Variants in COL4A5 observed in about 807,000 individuals in gnomAD.
The protein encoded by COL4A5 is collagen type IV alpha 5 chain, also known as collagen alpha-5(IV) chain.
In COL4A5, 26 loss-of-function variants were observed where a neutral mutation model predicts 130.2. That is an observed-to-expected ratio of 0.20 (90% CI 0.15 to 0.28). The LOEUF (loss-of-function observed/expected upper bound fraction) is 0.28, where lower values mean the gene tolerates loss of function less well. Ranked by LOEUF, COL4A5 falls within the 10% of genes least tolerant of loss-of-function variation. The probability of loss-of-function intolerance (pLI) is 1.00; values close to 1 mark genes in which losing one functional copy is unlikely to be tolerated. For synonymous variants in COL4A5, 496 were observed against 439.6 expected (o/e 1.13, Z -1.60); for missense variants, 1,131 against 1,344.3 (o/e 0.84, Z 2.48).
chrX:108,571,326 G>A, intron 6 of COL4A5, 87 bp from the exon 7 acceptor site: 1 of 744,999 alleles, frequency 1.3e-6, no homozygotes, highest in Non-Finnish European at 2.1e-6. Context: ...GGCTTTTATA[G>A]AAATCTTTTC....
intron 42 of COL4A5, among the ~76,000 whole-genome samples, chrX:108,672,569 T>A (rs759592525): frequency 4.5e-5 from 5 of 111,940 alleles, no homozygotes; most frequent in Admixed American, 9.5e-5. Context: ...TTTTAGGTTT[T>A]TGTTTTGTTT....
chrX:108,607,631 A>G (rs1198603343), intron 29 of COL4A5, among the ~76,000 whole-genome samples: 1 of 107,848 alleles, frequency 9.3e-6, no homozygotes, highest in Non-Finnish European at 1.9e-5. Flanking sequence ...TTACAGATGC[A>G]TGCCACCAGG....
intron 36 of COL4A5, among the ~76,000 whole-genome samples, chrX:108,652,415 T>A (rs16985530): frequency 0.1 from 11,752 of 112,287 alleles, 1,307 homozygotes; most frequent in African/African-American, 0.34. Flanking sequence ...CAACTGATGG[T>A]CTACTCTTGT....
chrX:108,665,725 T>C, intron 38 of COL4A5, 138 bp downstream of exon 38: 1 of 494,142 alleles, frequency 2.0e-6, no homozygotes, highest in Non-Finnish European at 3.6e-6. Context: ...ACACTGCATG[T>C]GAGGTACAGA....
chrX:108,452,257 A>C (rs1283902654), intron 1 of COL4A5, among the ~76,000 whole-genome samples: 1 of 111,761 alleles, frequency 8.9e-6, no homozygotes, highest in Non-Finnish European at 1.9e-5. Flanking sequence ...GTCAGGTAGC[A>C]TGATGCCTCC....
intron 1 of COL4A5, 27 bp from the exon 2 acceptor site, chrX:108,539,719 T>C (rs1297374393): frequency 2.5e-6 from 3 of 1,184,137 alleles, no homozygotes; most frequent in Admixed American, 2.2e-5. Context: ...TATTTAATGA[T>C]TTTTTCCCTC....
chrX:108,568,340 A>G (rs1929675227), intron 4 of COL4A5, among the ~76,000 whole-genome samples: 1 of 111,638 alleles, frequency 9.0e-6, no homozygotes, highest in South Asian at 3.8e-4. Flanking sequence ...GGAGATCCTT[A>G]TCCATTAGAA....
chrX:108,596,959 T>TTG (rs747434772), intron 22 of COL4A5, 39 bp from the exon 23 acceptor site: 38 of 1,098,719 alleles, frequency 3.5e-5, no homozygotes, highest in East Asian at 3.0e-4. Flanking sequence ...GCTTACGTTA[T>TTG]TGTGTGTGTG....
chrX:108,501,782 T>C (rs1355404810), intron 1 of COL4A5, among the ~76,000 whole-genome samples: 1 of 112,068 alleles, frequency 8.9e-6, no homozygotes, highest in Non-Finnish European at 1.9e-5. Context: ...CTTTTTGTAA[T>C]GTGGGAATTT....
At chrX:108,522,964 G>T (rs1218700630) in intron 1 of COL4A5, among the ~76,000 whole-genome samples, 1 of 104,841 alleles carries the variant, frequency 9.5e-6, no homozygotes, top group African/African-American at 3.5e-5. Context: ...TGCAACCTCC[G>T]CCTCCCGGGT....
At chrX:108,457,558 G>A (rs1171672102) in intron 1 of COL4A5, among the ~76,000 whole-genome samples, 1 of 111,442 alleles carries the variant, frequency 9.0e-6, no homozygotes, top group Non-Finnish European at 1.9e-5. Flanking sequence ...GTATTGGTAT[G>A]TTCTTGTCAT....
chrX:108,688,175 G>A (rs2068583519), intron 49 of COL4A5, among the ~76,000 whole-genome samples: 1 of 111,899 alleles, frequency 8.9e-6, no homozygotes, highest in Admixed American at 9.5e-5. Context: ...CCTAAAATAA[G>A]TGCCTTAGCT....
chrX:108,670,244 C>T lies in COL4A5; in HGVS notation c.3799+8C>T. 3.3e-6 allele frequency: 4 copies of T among 1,210,204 alleles called. No homozygotes were observed. Among genetic ancestry groups the T allele is most frequent in the Non-Finnish European group, 4.5e-6 (4 of 894,551 alleles). ...CCTATCCAGGTCCTACAGGTTAGCT[C>T]CTTAACTCCAAAGTAGTAACTGCAT... is the stretch of plus-strand genomic sequence containing the variant. On this transcript the variant is annotated splice_region_variant and intron_variant, in intron 42 of 52. Transcript: ENST00000328300.
chrX:108,499,647 G>A (rs1196214664), intron 1 of COL4A5, among the ~76,000 whole-genome samples: 2 of 110,976 alleles, frequency 1.8e-5, no homozygotes, highest in African/African-American at 6.5e-5. Flanking sequence ...TTTAATTAAC[G>A]TTTTATCATG....
chrX:108,482,065 G>C (rs564369635), intron 1 of COL4A5, among the ~76,000 whole-genome samples: 1 of 111,086 alleles, frequency 9.0e-6, no homozygotes, highest in South Asian at 3.8e-4. Flanking sequence ...TTAACTCCCC[G>C]AGCTGAAACA....
At chrX:108,501,971 C>T (rs201158712) in intron 1 of COL4A5, among the ~76,000 whole-genome samples, 22 of 94,563 alleles carry the variant, frequency 2.3e-4, no homozygotes, top group African/African-American at 1.3e-3. Flanking sequence ...TTCTGCTTTT[C>T]TTTTTTTCTT....
At chrX:108,672,829 C>A (rs1383650215) in intron 42 of COL4A5, among the ~76,000 whole-genome samples, 1 of 111,719 alleles carries the variant, frequency 9.0e-6, no homozygotes. Context: ...TATAAAATGT[C>A]TTTACTCAAA....
chrX:108,517,043 G>T (rs1603262040), intron 1 of COL4A5, among the ~76,000 whole-genome samples: 1 of 111,619 alleles, frequency 9.0e-6, no homozygotes, highest in East Asian at 2.8e-4. Flanking sequence ...TTTATAAATT[G>T]CAAAGAAATA....
At chrX:108,560,875 T>C (rs1448922650) in intron 3 of COL4A5, among the ~76,000 whole-genome samples, 2 of 111,609 alleles carry the variant, frequency 1.8e-5, no homozygotes, top group Non-Finnish European at 3.8e-5. Flanking sequence ...TTGAAAAATT[T>C]GTGTAAGGTG....
Sources: allele counts gnomAD v4.1 joint callset (sites outside exome capture counted in the v4.1 genomes callset), GRCh38; gene constraint gnomAD v4.1.1; transcripts MANE v1.5; gene names NCBI Gene and HGNC (gene_info 2026-07-23, HGNC 2026-07-21).